UCK2: variants seen among roughly 807,000 people sequenced by gnomAD.
The protein encoded by UCK2 is uridine-cytidine kinase 2, also known as cytidine monophosphokinase 2.
In UCK2, 6 loss-of-function variants were observed where a neutral mutation model predicts 30.8. The observed-to-expected ratio is 0.19, with a 90% CI of 0.11 to 0.38. UCK2 has a LOEUF of 0.38. Among genes scored for constraint, UCK2 ranks in the 10% least tolerant of loss-of-function variants. UCK2 has a pLI of 1.00. For missense variants in UCK2, 210 were observed against 339.8 expected, an observed-to-expected ratio of 0.62 and a Z score of 3.00; for synonymous variants, 125 against 133.6, an observed-to-expected ratio of 0.94 and a Z score of 0.45.
In UCK2 at chr1:165,827,791, G is replaced by A; in HGVS notation, c.-43G>A. The A allele has an allele frequency of 7.4e-7, 1 of 1,346,766 alleles. No individual in the cohort carries two copies. Among genetic ancestry groups the A allele is most frequent in the Non-Finnish European group, 9.6e-7 (1 of 1,037,278 alleles). The allele number at this position is 1,346,766 out of a possible 1,614,324, so 83.4% of individuals were successfully genotyped here. Reference sequence around the variant, plus strand: ...CGACGCGGGCGCGGGCGGGGAGCGTGCGTCCGTTCGCACAGGCAGCGGGAG... The same window carrying A: ...CGACGCGGGCGCGGGCGGGGAGCGTACGTCCGTTCGCACAGGCAGCGGGAG... On this transcript the variant is annotated 5_prime_UTR_variant, in exon 1 of 7. Transcript: ENST00000367879.
At chr1:165,833,898 C>T (rs939190435) in intron 1 of UCK2, among the ~76,000 whole-genome samples, 6 of 151,772 alleles carry the variant, frequency 4.0e-5, no homozygotes, top group African/African-American at 1.5e-4. Flanking sequence ...TGAAAGCATT[C>T]GATCTTTTCA....
chr1:165,880,164 C>G (rs1655447985), intron 1 of UCK2, among the ~76,000 whole-genome samples: 1 of 152,344 alleles, frequency 6.6e-6, no homozygotes, highest in Admixed American at 6.5e-5. Flanking sequence ...CCAACTGGCA[C>G]ATTGTGCTCT....
At chr1:165,833,635 G>A (rs1654111584) in intron 1 of UCK2, among the ~76,000 whole-genome samples, 1 of 152,072 alleles carries the variant, frequency 6.6e-6, no homozygotes, top group Non-Finnish European at 1.5e-5. Flanking sequence ...GTCAAATCTT[G>A]CTTTTATGAG....
intron 1 of UCK2, among the ~76,000 whole-genome samples, chr1:165,852,328 A>G (rs1654618821): frequency 6.6e-6 from 1 of 152,228 alleles, no homozygotes; most frequent in Non-Finnish European, 1.5e-5. Flanking sequence ...CCATCTGACA[A>G]AGGTCTAATA....
chr1:165,842,986 G>C (rs915703718), intron 1 of UCK2, among the ~76,000 whole-genome samples: 3 of 152,140 alleles, frequency 2.0e-5, no homozygotes, highest in Non-Finnish European at 4.4e-5. Flanking sequence ...TCTTTTGTGT[G>C]GTCACTTTTA....
chr1:165,892,992 G>C (rs1335453844), intron 3 of UCK2, among the ~76,000 whole-genome samples: 1 of 152,178 alleles, frequency 6.6e-6, no homozygotes, highest in Non-Finnish European at 1.5e-5. Flanking sequence ...GGCAGGGCCA[G>C]GAGCACAGAC....
intron 1 of UCK2, among the ~76,000 whole-genome samples, chr1:165,875,960 G>C (rs1425107592): frequency 6.6e-6 from 1 of 152,124 alleles, no homozygotes; most frequent in Non-Finnish European, 1.5e-5. Context: ...TTAGATTCCT[G>C]CCTCGGGCCA....
chr1:165,898,383 G>A (rs1229938251), intron 4 of UCK2, among the ~76,000 whole-genome samples: 1 of 152,226 alleles, frequency 6.6e-6, no homozygotes, highest in Non-Finnish European at 1.5e-5. Flanking sequence ...GCCTGGTGGT[G>A]CATTAGTCAA....
At chr1:165,907,435 C>A (rs1299027062) in intron 6 of UCK2, among the ~76,000 whole-genome samples, 1 of 152,140 alleles carries the variant, frequency 6.6e-6, no homozygotes, top group Admixed American at 6.5e-5. Flanking sequence ...GAAGCCCATT[C>A]ATTAAGGGCT....
intron 1 of UCK2, among the ~76,000 whole-genome samples, chr1:165,879,172 G>A (rs115326409): frequency 9.3e-4 from 142 of 152,236 alleles, no homozygotes; most frequent in African/African-American, 3.3e-3. Flanking sequence ...TCTTATTGTC[G>A]AATTTTAAGA....
chr1:165,908,988 C>T lies in UCK2; in HGVS notation c.*1165C>T, dbSNP rs117653364. 1.6e-4 allele frequency: 25 copies of T among 152,290 alleles called. No homozygotes were observed. The East Asian group carries it at 4.8e-3, about 29-fold the overall frequency. 9.4% of individuals were successfully genotyped at this position (152,290 alleles called of 1,614,324 possible). A position where few individuals can be genotyped will look rare whatever the true frequency, so the allele number is the denominator to read the frequency against. ...CACTAGCAGCGTCATGGCCAGGATGCTTTACTTATTTGCAATACCACCTAG... is the reference window on the plus strand; with the variant it reads ...CACTAGCAGCGTCATGGCCAGGATGTTTTACTTATTTGCAATACCACCTAG... On this transcript the variant is annotated 3_prime_UTR_variant, in exon 7 of 7. Transcript: ENST00000367879.
At chr1:165,887,742 T>C (rs1233329370) in intron 1 of UCK2, among the ~76,000 whole-genome samples, 3 of 150,082 alleles carry the variant, frequency 2.0e-5, no homozygotes, top group African/African-American at 7.4e-5. Context: ...TAAAAACCTA[T>C]AGTTTATAAT....
chr1:165,907,808 C>A lies in UCK2; in HGVS notation c.771C>A (p.Ser257Arg), dbSNP rs1647720995. 1 of 1,614,192 alleles carries A rather than the reference C, an allele frequency of 6.2e-7. No individual in the cohort carries two copies. The highest frequency in any genetic ancestry group is 8.5e-7 in the Non-Finnish European group (1 of 1,180,020). ...PSRKRQASES[S>R]SRPH The stretch of plus-strand genomic sequence containing the variant: ...GCAAGAGGCAGGCATCGGAGTCCAG[C>A]AGCAGGCCGCATTGACCCGTCTCCA... Residue 257 changes from serine (S) to arginine (R), a missense_variant, in exon 7 of 7, where the codon AGC becomes AGA. Transcript: ENST00000367879.
At chr1:165,903,511 A>G (rs1034491610) in intron 5 of UCK2, among the ~76,000 whole-genome samples, 5 of 152,082 alleles carry the variant, frequency 3.3e-5, no homozygotes, top group Non-Finnish European at 5.9e-5. Context: ...GGGTCCTGCC[A>G]GTCCTTAGGC....
intron 1 of UCK2, among the ~76,000 whole-genome samples, chr1:165,861,520 T>G (rs1422319393): frequency 6.9e-6 from 1 of 144,388 alleles, no homozygotes; most frequent in Non-Finnish European, 1.5e-5. Flanking sequence ...CCCAGCTACT[T>G]GGGAAGCTGA....
rs188156379 is a variant in UCK2, at chr1:165,876,781, A to G, written c.100-13423A>G. 1.7e-3 allele frequency among the ~76,000 whole-genome samples: 253 copies of G among 152,314 alleles called. 1 individual carries two copies. Among genetic ancestry groups the G allele is most frequent in the Admixed American group, 3.0e-3 (46 of 15,302 alleles). ...GTGGGCAGTGTTGGCCTCTTCTGGAAGATCTGAAGGAGACCCATGCCTCCG... is the reference window on the plus strand; with the variant it reads ...GTGGGCAGTGTTGGCCTCTTCTGGAGGATCTGAAGGAGACCCATGCCTCCG... On this transcript the variant is annotated intron_variant, in intron 1 of 6. Transcript: ENST00000367879.
At chr1:165,880,222 T>C (rs1199614690) in intron 1 of UCK2, among the ~76,000 whole-genome samples, 2 of 152,198 alleles carry the variant, frequency 1.3e-5, no homozygotes, top group African/African-American at 4.8e-5. Context: ...AGCTTTCGTT[T>C]TGTGTCTCAT....
At chr1:165,867,897 G>T (rs1486023156) in intron 1 of UCK2, among the ~76,000 whole-genome samples, 3 of 152,178 alleles carry the variant, frequency 2.0e-5, no homozygotes, top group Non-Finnish European at 2.9e-5. Flanking sequence ...CTTTCTAGAA[G>T]GTTTTCAGTT....
chr1:165,911,486 A>G lies in UCK2; in HGVS notation c.*3663A>G, dbSNP rs1387954949. Reference sequence around the variant, plus strand: ...AGGGTGAGTAGCTAAATACAGACTTAGGCTTTTTTTTCCCCCCTTTTAAGA... The same window carrying G: ...AGGGTGAGTAGCTAAATACAGACTTGGGCTTTTTTTTCCCCCCTTTTAAGA... On this transcript the variant is annotated 3_prime_UTR_variant, in exon 7 of 7. Transcript: ENST00000367879. 2.0e-5 allele frequency: 3 copies of G among 152,040 alleles called. No homozygotes were observed. The highest frequency in any genetic ancestry group is 7.2e-5 in the African/African-American group (3 of 41,388). The allele number at this position is 152,040 out of a possible 1,614,324, so 9.4% of individuals were successfully genotyped here. A position where few individuals can be genotyped will look rare whatever the true frequency, so the allele number is the denominator to read the frequency against.
Sources: allele counts gnomAD v4.1 joint callset (sites outside exome capture counted in the v4.1 genomes callset), GRCh38; gene constraint gnomAD v4.1.1; transcripts MANE v1.5; gene names NCBI Gene and HGNC (gene_info 2026-07-23, HGNC 2026-07-21).